CDH7: variants seen among roughly 807,000 people sequenced by gnomAD.
CDH7 encodes cadherin-7.
Under a neutral mutation model 71.8 loss-of-function variants are expected in CDH7, and 25 were observed. The observed-to-expected ratio is 0.35, with a 90% CI of 0.25 to 0.49. The LOEUF is 0.49. Ranked by LOEUF, CDH7 falls within the 20% of genes least tolerant of loss-of-function variation. CDH7 has a pLI of 0.99. For missense variants in CDH7, 862 were observed against 974.6 expected (o/e 0.88, Z 1.54); for synonymous variants, 381 against 363.8 (o/e 1.05, Z -0.54).
At chr18:65,839,729 A>G (rs1470050121) in intron 6 of CDH7, among the ~76,000 whole-genome samples, 2 of 152,202 alleles carry the variant, frequency 1.3e-5, no homozygotes, top group Admixed American at 6.5e-5. Context: ...GAGGAATGAT[A>G]AAGTTGTGTG....
At chr18:65,872,480 T>G (rs1179451247) in intron 11 of CDH7, among the ~76,000 whole-genome samples, 1 of 152,166 alleles carries the variant, frequency 6.6e-6, no homozygotes, top group South Asian at 2.1e-4. Context: ...TGGAATAGTG[T>G]GCCTGGAGAT....
intron 7 of CDH7, among the ~76,000 whole-genome samples, chr18:65,853,865 A>G (rs1233128681): frequency 1.4e-5 from 2 of 144,822 alleles, no homozygotes; most frequent in African/African-American, 5.0e-5. Flanking sequence ...GCATAAATGA[A>G]TAAATGGAAG....
At chr18:65,752,571 G>C (rs187280011) in intron 1 of CDH7, among the ~76,000 whole-genome samples, 22 of 152,148 alleles carry the variant, frequency 1.4e-4, no homozygotes, top group Admixed American at 7.9e-4. Flanking sequence ...ATGTCAAGGG[G>C]AAATGCATGA....
intron 2 of CDH7, among the ~76,000 whole-genome samples, chr18:65,772,064 T>C (rs1916560366): frequency 6.6e-6 from 1 of 152,210 alleles, no homozygotes; most frequent in Non-Finnish European, 1.5e-5. Context: ...AATGTTTGCT[T>C]ATCTCCTTCG....
chr18:65,752,480 G>A (rs951450424), intron 1 of CDH7, among the ~76,000 whole-genome samples: 2 of 152,272 alleles, frequency 1.3e-5, no homozygotes, highest in East Asian at 1.9e-4. Context: ...CATTTGAAGC[G>A]TTCAGTAACT....
At chr18:65,871,681 A>AT (rs1283580171) in intron 11 of CDH7, among the ~76,000 whole-genome samples, 1 of 152,202 alleles carries the variant, frequency 6.6e-6, no homozygotes, top group East Asian at 1.9e-4. Flanking sequence ...AGGAACGTTA[A>AT]TGAGATTAAA....
intron 2 of CDH7, among the ~76,000 whole-genome samples, chr18:65,793,245 G>A (rs1290914158): frequency 6.6e-6 from 1 of 152,030 alleles, no homozygotes; most frequent in East Asian, 1.9e-4. Context: ...TTTGAGACCA[G>A]CCTGGGGCGA....
chr18:65,786,041 G>A (rs1019447746), intron 2 of CDH7, among the ~76,000 whole-genome samples: 2 of 151,914 alleles, frequency 1.3e-5, no homozygotes, highest in Non-Finnish European at 2.9e-5. Context: ...GATATTACCC[G>A]GAATAAATAA....
In CDH7 at chr18:65,881,492, T is replaced by C. The variant is rs1238260102; in HGVS notation, c.*598T>C. The C allele has an allele frequency of 6.6e-6, 1 of 152,054 alleles. No homozygotes were observed. Among genetic ancestry groups the C allele is most frequent in the East Asian group, 1.9e-4 (1 of 5,198 alleles). 9.4% of individuals were successfully genotyped at this position (152,054 alleles called of 1,614,324 possible). On this transcript the variant is annotated 3_prime_UTR_variant, in exon 12 of 12. Coordinates refer to ENST00000397968, the MANE Select transcript of CDH7 (RefSeq NM_004361.5). ...CTGAAAACCCTACCACAAAAGCCAG[T>C]AAAATTTAGTTTAAGGCAATATAAA...
chr18:65,866,025 C>T (rs1437380702), intron 11 of CDH7: 6 of 59,006 alleles, frequency 1.0e-4, no homozygotes, highest in African/African-American at 3.4e-4. Context: ...ATAGGCCGGG[C>T]GCGGTGGCTC....
intron 4 of CDH7, among the ~76,000 whole-genome samples, chr18:65,819,241 G>T (rs1911831232): frequency 6.6e-6 from 1 of 152,100 alleles, no homozygotes. Flanking sequence ...CCCTCAATCT[G>T]CATTGACCCA....
At chr18:65,857,704 T>A (rs1913414236) in intron 7 of CDH7, 112 bp from the exon 8 acceptor site, 2 of 1,008,388 alleles carry the variant, frequency 2.0e-6, no homozygotes, top group South Asian at 3.0e-5. Flanking sequence ...ATATGACAGA[T>A]CAGAGAGTCA....
At position 65,862,720 on chromosome 18, in the gene CDH7, C is replaced by A; in HGVS notation, c.1667C>A (p.Ser556Ter). The change falls in exon 11 of 12, where the codon TCA (serine) becomes TAA (stop). Residue 556 changes from serine to a stop codon, truncating the protein, a stop_gained. Transcript: ENST00000397968. LOFTEE classifies it high-confidence loss of function. ...AACGGCTTCCGGAGACAGGAACAAT[C>A]AGTTTACTATCTGCCAATTTTCATT... is the stretch of plus-strand genomic sequence containing the variant. The part of the protein sequence containing the change: ...RRNGFRRQEQ[S>*]VYYLPIFIVD... 6.2e-7 allele frequency: 1 copy of A among 1,614,026 alleles called. No individual in the cohort carries two copies. The highest frequency in any genetic ancestry group is 2.2e-5 in the East Asian group (1 of 44,858).
At chr18:65,875,149 G>A (rs1202974150) in intron 11 of CDH7, among the ~76,000 whole-genome samples, 2 of 152,116 alleles carry the variant, frequency 1.3e-5, no homozygotes, top group African/African-American at 2.4e-5. Context: ...TTCCAGTGTG[G>A]GCAGGGGAAG....
rs562820098 is a variant in CDH7, at chr18:65,788,016, G to A, written c.211-21688G>A. Reference sequence around the variant, plus strand: ...GTTGAAATCATGTCTTAAAATATTAGGCAAAGAGAAAAAACATATATTAAC... The same window carrying A: ...GTTGAAATCATGTCTTAAAATATTAAGCAAAGAGAAAAAACATATATTAAC... On this transcript the variant is annotated intron_variant, in intron 2 of 11. Coordinates refer to ENST00000397968, the MANE Select transcript of CDH7 (RefSeq NM_004361.5). 3.2e-4 allele frequency among the ~76,000 whole-genome samples: 48 copies of A among 152,126 alleles called. 1 individual carries two copies. Among genetic ancestry groups the A allele is most frequent in the African/African-American group, 1.1e-3 (46 of 41,520 alleles).
At chr18:65,754,071 A>G (rs1405584153) in intron 1 of CDH7, among the ~76,000 whole-genome samples, 1 of 152,226 alleles carries the variant, frequency 6.6e-6, no homozygotes, top group East Asian at 1.9e-4. Context: ...CTCTCTGAAT[A>G]TAATTTTACC....
intron 2 of CDH7, among the ~76,000 whole-genome samples, chr18:65,781,860 T>TTCTCTCTA (rs1910240645): frequency 4.3e-5 from 3 of 70,360 alleles, no homozygotes; most frequent in African/African-American, 3.8e-4. Context: ...CTTTCTTTCT[T>TTCTCTCTA]TCTTTCTCTC....
intron 2 of CDH7, among the ~76,000 whole-genome samples, chr18:65,792,022 G>A (rs888625276): frequency 6.6e-6 from 1 of 151,900 alleles, no homozygotes; most frequent in African/African-American, 2.4e-5. Flanking sequence ...TATACTGTAC[G>A]CAGACATTAA....
Position 65,863,064 on chromosome 18 carries a change from G to A in CDH7, c.1864+147G>A, listed in dbSNP as rs1477246733. 5.8e-6 allele frequency: 5 copies of A among 859,726 alleles called. No individual in the cohort carries two copies. The South Asian group carries it at 8.7e-5, about 15-fold the overall frequency. 53.3% of individuals were successfully genotyped at this position (859,726 alleles called of 1,614,324 possible). On this transcript the variant is annotated intron_variant, in intron 11 of 11. Coordinates refer to ENST00000397968, the MANE Select transcript of CDH7 (RefSeq NM_004361.5). Reference sequence around the variant, plus strand: ...TTGTTTTGTTTTTCTTTGAGACGGGGTCTCACTCTGTTGCCCAGGCTGGAG... The same window carrying A: ...TTGTTTTGTTTTTCTTTGAGACGGGATCTCACTCTGTTGCCCAGGCTGGAG...
Sources: gnomAD v4.1 joint callset for allele counts (sites outside exome capture counted in the v4.1 genomes callset) on GRCh38, gnomAD v4.1.1 for gene constraint, MANE v1.5 for transcripts, NCBI Gene and HGNC (gene_info 2026-07-23, HGNC 2026-07-21) for gene names.